SLK: variants seen among roughly 807,000 people sequenced by gnomAD.
The protein encoded by SLK is STE20 like kinase.
In SLK, 67 loss-of-function variants were observed where a neutral mutation model predicts 147.7. The observed-to-expected ratio is 0.45, with a 90% CI of 0.37 to 0.56. The LOEUF is 0.56. SLK is among the 20% of genes least tolerant of loss of function. SLK has a pLI of 0.00. For synonymous variants in SLK, 441 were observed against 475.0 expected (o/e 0.93, Z 0.93); for missense variants, 1,136 against 1,438.8 (o/e 0.79, Z 3.41).
In SLK at chr10:103,975,699, C is replaced by A. The variant is rs181487275; in HGVS notation, c.150+7804C>A. ...CATGTAGTAGTAATTTGATCTTTTT[C>A]TTTGCTTTATGGTATTTTATGAAAT... On this transcript the variant is annotated intron_variant, in intron 1 of 18. Coordinates refer to ENST00000369755, the MANE Select transcript of SLK (RefSeq NM_014720.4). Among the ~76,000 whole-genome samples, 14 of 152,156 alleles carry A rather than the reference C, an allele frequency of 9.2e-5. No individual in the cohort carries two copies. The East Asian group carries it at 2.3e-3, about 25-fold the overall frequency.
At chr10:103,980,136 C>G (rs1266155431) in intron 1 of SLK, among the ~76,000 whole-genome samples, 1 of 152,140 alleles carries the variant, frequency 6.6e-6, no homozygotes, top group Non-Finnish European at 1.5e-5. Context: ...TGCAATGCTT[C>G]CATCATATAA....
chr10:103,981,579 C>T (rs1271090914), intron 1 of SLK, among the ~76,000 whole-genome samples: 1 of 152,014 alleles, frequency 6.6e-6, no homozygotes, highest in Non-Finnish European at 1.5e-5. Flanking sequence ...ATTCAGATTT[C>T]CCAGTACCAT....
At chr10:103,988,569 C>A (rs1317932857) in intron 1 of SLK, among the ~76,000 whole-genome samples, 2 of 152,126 alleles carry the variant, frequency 1.3e-5, no homozygotes, top group Non-Finnish European at 2.9e-5. Context: ...GCAGAAAGGG[C>A]TTTGGAAACA....
At chr10:103,983,236 A>G (rs1387288465) in intron 1 of SLK, among the ~76,000 whole-genome samples, 1 of 152,210 alleles carries the variant, frequency 6.6e-6, no homozygotes, top group African/African-American at 2.4e-5. Flanking sequence ...AAATCTTAGC[A>G]GGACTGAAAA....
At chr10:104,015,265 T>C (rs1474866657) in intron 13 of SLK, among the ~76,000 whole-genome samples, 2 of 152,232 alleles carry the variant, frequency 1.3e-5, no homozygotes, top group East Asian at 1.9e-4. Context: ...ACTGGACTTA[T>C]ATCTGCCTAT....
chr10:103,972,986 C>T (rs1843814516), intron 1 of SLK, among the ~76,000 whole-genome samples: 1 of 152,052 alleles, frequency 6.6e-6, no homozygotes, highest in Admixed American at 6.6e-5. Context: ...ATTCTGAGAC[C>T]TGTCTTTTCA....
rs759569081 is a variant in SLK at position 104,003,083 on chromosome 10, A to C, written c.1905A>C (p.Gly635=). 1.9e-6 allele frequency: 3 copies of C among 1,614,166 alleles called. No individual in the cohort carries two copies. The highest frequency in any genetic ancestry group is 1.7e-6 in the Non-Finnish European group (2 of 1,180,004). Residue 635 remains glycine, a synonymous_variant, in exon 9 of 19, where the codon GGA becomes GGC. Transcript: ENST00000369755. ...TAATGGACATCAATGAGGAACCAGG[A>C]ACAACTGAAGGTGAAGAAATCACTG... The part of the protein sequence containing the change: ...ENIMDINEEP[G]TTEGEEITES...
chr10:103,986,433 T>A (rs933870507), intron 1 of SLK, among the ~76,000 whole-genome samples: 12 of 152,044 alleles, frequency 7.9e-5, no homozygotes, highest in African/African-American at 2.7e-4. Context: ...CACGATAGAG[T>A]TCATGCTCCT....
In SLK at chr10:104,003,485, C is replaced by CT. The variant is rs1564658893; in HGVS notation, c.2310dup (p.Leu771SerfsTer3). ...TTGACTTGAATTTATCCATCTCTAG[C>CT]TTTCTAAGTAAAACTAAAGACAGTG... On this transcript the variant is annotated frameshift_variant, in exon 9 of 19. Coordinates refer to ENST00000369755, the MANE Select transcript of SLK (RefSeq NM_014720.4). LOFTEE classifies it high-confidence loss of function. The CT allele has an allele frequency of 6.2e-7, 1 of 1,600,304 alleles. No individual in the cohort carries two copies. The highest frequency in any genetic ancestry group is 8.5e-7 in the Non-Finnish European group (1 of 1,173,966).
chr10:103,971,616 A>C (rs75317931), intron 1 of SLK, among the ~76,000 whole-genome samples: 2 of 152,256 alleles, frequency 1.3e-5, no homozygotes, highest in African/African-American at 2.4e-5. Flanking sequence ...AAAGAATGAC[A>C]TAAGATTATG....
intron 13 of SLK, among the ~76,000 whole-genome samples, chr10:104,013,237 C>CA (rs1844421428): frequency 6.6e-6 from 1 of 152,166 alleles, no homozygotes; most frequent in Non-Finnish European, 1.5e-5. Context: ...TCATTTAAGT[C>CA]CAGTGGTTTT....
At chr10:103,967,937 C>T in intron 1 of SLK, 42 bp downstream of exon 1, 1 of 1,605,372 alleles carries the variant, frequency 6.2e-7, no homozygotes, top group Non-Finnish European at 8.5e-7. Flanking sequence ...GAAGGTAAAA[C>T]AGCCACTGGC....
At chr10:103,987,411 A>G (rs1844032027) in intron 1 of SLK, among the ~76,000 whole-genome samples, 2 of 152,236 alleles carry the variant, frequency 1.3e-5, no homozygotes, top group South Asian at 4.1e-4. Context: ...ACTGTACTGC[A>G]TGATTTAAGC....
chr10:103,993,953 G>T (rs1302745681), intron 4 of SLK, among the ~76,000 whole-genome samples: 1 of 152,004 alleles, frequency 6.6e-6, no homozygotes, highest in African/African-American at 2.4e-5. Flanking sequence ...GGAGTGCAGT[G>T]ATGTGATCAT....
intron 10 of SLK, 54 bp downstream of exon 10, chr10:104,005,745 T>A: frequency 6.4e-7 from 1 of 1,566,120 alleles, no homozygotes. Flanking sequence ...TTTCAGTCTC[T>A]GAAAAGTCAG....
chr10:104,019,637 T>A (rs1844509419), intron 15 of SLK, 97 bp from the exon 16 acceptor site: 3 of 948,328 alleles, frequency 3.2e-6, no homozygotes, highest in Non-Finnish European at 5.0e-6. Context: ...AGAGGGTAAT[T>A]ATAGGAAACA....
intron 12 of SLK, 91 bp from the exon 13 acceptor site, chr10:104,010,725 T>C: frequency 1.3e-6 from 1 of 747,902 alleles, no homozygotes; most frequent in Non-Finnish European, 2.0e-6. Flanking sequence ...TTAACAACTT[T>C]AATATTTGAC....
chr10:104,023,116 G>A (rs1159361515), intron 18 of SLK, among the ~76,000 whole-genome samples: 12 of 152,204 alleles, frequency 7.9e-5, no homozygotes, highest in Non-Finnish European at 1.5e-5. Context: ...AAATCCTATG[G>A]CCTTATCTAA....
At chr10:103,973,693 A>T (rs1351154594) in intron 1 of SLK, among the ~76,000 whole-genome samples, 2 of 152,222 alleles carry the variant, frequency 1.3e-5, no homozygotes, top group African/African-American at 4.8e-5. Flanking sequence ...AACACAAACT[A>T]CTTCAAGGAT....
Sources: gnomAD v4.1 joint callset for allele counts (sites outside exome capture counted in the v4.1 genomes callset) on GRCh38, gnomAD v4.1.1 for gene constraint, MANE v1.5 for transcripts, NCBI Gene and HGNC (gene_info 2026-07-23, HGNC 2026-07-21) for gene names.